The following MUTYH variants were observed in gnomAD, a reference collection of about 807,000 sequenced individuals.
MUTYH encodes mutY DNA glycosylase.
In MUTYH, 64 loss-of-function variants were observed where a neutral mutation model predicts 72.9. The observed-to-expected ratio is 0.88, with a 90% CI of 0.72 to 1.08. The LOEUF (loss-of-function observed/expected upper bound fraction) is 1.08, where lower values mean the gene tolerates loss of function less well. Ranked by LOEUF, MUTYH falls within the 50% of genes least tolerant of loss-of-function variation. The pLI, the probability that MUTYH is intolerant of heterozygous loss-of-function variation, is 0.00. For missense variants in MUTYH, 633 were observed against 671.0 expected (o/e 0.94, Z 0.63); for synonymous variants, 234 against 263.1 (o/e 0.89, Z 1.07).
chr1:45,332,774 C>T lies in MUTYH; in HGVS notation c.481G>A (p.Gly161Arg). 2 of 1,614,182 alleles carry T rather than the reference C, an allele frequency of 1.2e-6. No individual in the cohort carries two copies. The highest frequency in any genetic ancestry group is 1.1e-5 in the South Asian group (1 of 91,086). The change falls in exon 7 of 16, where the codon GGA becomes AGA. Residue 161 changes from glycine (G) to arginine (R), a missense_variant. Gly to Arg is a moderately radical substitution (Grantham distance 125). Coordinates refer to ENST00000456914, the MANE Select transcript of MUTYH (RefSeq NM_001048174.2). ...TGCCATCCCCTTACCTTCCGAGCTC[C>T]CTCCTGCAGCCGCCGGCCACGAGAA... Reference protein sequence around the residue: ...YYSRGRRLQEGARKVVEELGG... With the variant: ...YYSRGRRLQERARKVVEELGG...
chr1:45,333,368 G>A lies in MUTYH; in HGVS notation c.265-44C>T, dbSNP rs766066535. On this transcript the variant is annotated intron_variant, in intron 3 of 15. Transcript: ENST00000456914. The stretch of plus-strand genomic sequence containing the variant: ...ATGAGGAGTTAGGGTGGAGGGGGCT[G>A]GGTGCCTGCCTCCCACCCACTGTCC... The A allele has an allele frequency of 2.8e-5, 45 of 1,613,772 alleles. 1 individual carries two copies. In the Middle Eastern group the frequency reaches 5.8e-3, roughly 206 times the overall value.
At chr1:45,336,193 A>C (rs1252827101) in intron 1 of MUTYH, among the ~76,000 whole-genome samples, 1 of 152,182 alleles carries the variant, frequency 6.6e-6, no homozygotes, top group Non-Finnish European at 1.5e-5. Context: ...TTTATTTAAA[A>C]ACAAATAGAG....
rs587782066 is a variant in MUTYH, at chr1:45,333,605, T to C, written c.116-44A>G. 1 of 1,604,592 alleles carries C rather than the reference T, an allele frequency of 6.2e-7. No individual in the cohort carries two copies. On this transcript the variant is annotated intron_variant, in intron 2 of 15. Coordinates refer to ENST00000456914, the MANE Select transcript of MUTYH (RefSeq NM_001048174.2). ...ACTCAGCAATCATCCCTGCACAGGC[T>C]GTGCATCAGGGTCTTGGGACACAGC...
rs1645307962 is a variant in MUTYH at position 45,333,277 on chromosome 1, G to A, written c.304+8C>T. On this transcript the variant is annotated splice_region_variant and intron_variant, in intron 4 of 15. Transcript: ENST00000456914. ...CAAAGTGGCCCTGCTCTCAGGAGAT[G>A]TACTGACCAGCATATGCCCGCCTGT... 6.2e-7 allele frequency: 1 copy of A among 1,614,222 alleles called. No homozygotes were observed. Among genetic ancestry groups the A allele is most frequent in the Non-Finnish European group, 8.5e-7 (1 of 1,180,028 alleles).
At chr1:45,333,970 A>G (rs1423910297) in intron 2 of MUTYH, 1 of 374,546 alleles carries the variant, frequency 2.7e-6, no homozygotes, top group Admixed American at 4.3e-5. Context: ...AATTGTCCCA[A>G]TGTCACACAG....
chr1:45,334,927 C>A (rs912914041), intron 1 of MUTYH, among the ~76,000 whole-genome samples: 1 of 152,154 alleles, frequency 6.6e-6, no homozygotes, highest in African/African-American at 2.4e-5. Context: ...TACACTGAAA[C>A]AGCCTGTAGT....
chr1:45,337,739 GAAAA>G (rs1480977644), intron 1 of MUTYH, among the ~76,000 whole-genome samples: 3 of 150,518 alleles, frequency 2.0e-5, no homozygotes, highest in African/African-American at 7.3e-5. Context: ...GTCTCTTAAA[GAAAA>G]AAAAAGATTG....
chr1:45,332,934 G>T lies in MUTYH; in HGVS notation c.404C>A (p.Ala135Asp), dbSNP rs1570427705. ...MQKWPTLQDLASASLEEVNQL... is the reference protein window; with the variant it reads ...MQKWPTLQDLDSASLEEVNQL... ...GGCTCTCACCTCCAGGGAAGCACTG[G>T]CCAGGTCCTGCAGTGTAGGCCACTT... The change falls in exon 6 of 16, where the codon GCC becomes GAC. Residue 135 changes from alanine (A) to aspartate (D), a missense_variant. By Grantham distance (126) the Ala-to-Asp change is moderately radical. Transcript: ENST00000456914. The T allele has an allele frequency of 6.2e-7, 1 of 1,614,114 alleles. No homozygotes were observed. Among genetic ancestry groups the T allele is most frequent in the Non-Finnish European group, 8.5e-7 (1 of 1,180,016 alleles).
upstream of MUTYH, chr1:45,340,208 G>A (rs2275602): frequency 2.1e-3 from 3,348 of 1,613,756 alleles, 62 homozygotes; most frequent in East Asian, 0.039. Context: ...CGGACCGCAA[G>A]TCCAGCGTAC....
chr1:45,336,471 C>G (rs3219479), intron 1 of MUTYH, among the ~76,000 whole-genome samples: 141,652 of 152,296 alleles, frequency 0.93, 65,980 homozygotes, highest in African/African-American at 0.96. Flanking sequence ...CTTAACTGAT[C>G]ACATTCCACC....
chr1:45,332,949 G>A lies in MUTYH; in HGVS notation c.389C>T (p.Thr130Ile), dbSNP rs771549068. ...GGAAGCACTGGCCAGGTCCTGCAGT[G>A]TAGGCCACTTCTATAGCCACAGGCA... ...YYTGWMQKWP[T>I]LQDLASASLE... is the part of the protein sequence containing the mutation. Residue 130 changes from threonine (T) to isoleucine (I), a missense_variant, in exon 6 of 16, where the codon ACA (threonine) becomes ATA (isoleucine). Coordinates refer to ENST00000456914, the MANE Select transcript of MUTYH (RefSeq NM_001048174.2). 4.3e-6 allele frequency: 7 copies of A among 1,614,152 alleles called. No individual in the cohort carries two copies. Among genetic ancestry groups the A allele is most frequent in the Non-Finnish European group, 5.1e-6 (6 of 1,180,022 alleles).
chr1:45,333,545 C>T lies in MUTYH; in HGVS notation c.132G>A (p.Pro44=), dbSNP rs144551668. ...PSACDGLARQ[P]EEVVLQASVS... ...CAGAGGCCTGCAATACCACCTCTTC[C>T]GGCTGCCTGGCCAGGCCTGCTGGGG... is the stretch of plus-strand genomic sequence containing the variant. The change falls in exon 3 of 16, where the codon CCG becomes CCA. Residue 44 remains proline, a synonymous_variant. Transcript: ENST00000456914. The T allele has an allele frequency of 7.2e-5, 117 of 1,613,946 alleles. 1 individual carries two copies. The Admixed American group carries it at 1.3e-3, about 18-fold the overall frequency.
At position 45,331,563 on chromosome 1, in the gene MUTYH, G is replaced by A. The variant is rs375257767; in HGVS notation, c.1103-7C>T. The stretch of plus-strand genomic sequence containing the variant: ...CACAGTCCTGCCAGCAGACCTGAGA[G>A]GGAGGGCAGCCAGGCAGGGGTCAGG... On this transcript the variant is annotated splice_region_variant and splice_polypyrimidine_tract_variant and intron_variant, in intron 12 of 15. Transcript: ENST00000456914. 4 of 1,613,718 alleles carry A rather than the reference G, an allele frequency of 2.5e-6. 1 individual carries two copies. In the African/African-American group the frequency reaches 4.0e-5, roughly 16 times the overall value.
At chr1:45,333,643 T>C (rs774122366) in intron 2 of MUTYH, 82 bp from the exon 3 acceptor site, 1 of 1,571,618 alleles carries the variant, frequency 6.4e-7, no homozygotes, top group Non-Finnish European at 8.6e-7. Context: ...CCTGTGGCAG[T>C]ATGCTCCCAC....
chr1:45,333,206 C>T (rs1645292453), intron 4 of MUTYH, 36 bp from the exon 5 acceptor site: 2 of 1,614,044 alleles, frequency 1.2e-6, no homozygotes, highest in Non-Finnish European at 1.7e-6. Context: ...ACACTGCTGA[C>T]CTGCCCCTAC....
intron 15 of MUTYH, 40 bp downstream of exon 15, chr1:45,330,474 AGG>A: frequency 6.3e-7 from 1 of 1,589,972 alleles, no homozygotes; most frequent in Non-Finnish European, 8.6e-7. Flanking sequence ...CTATGGACTC[AGG>A]CCTGGGGAGA....
chr1:45,337,590 C>T (rs532903728), intron 1 of MUTYH, among the ~76,000 whole-genome samples: 139 of 151,538 alleles, frequency 9.2e-4, no homozygotes, highest in African/African-American at 2.9e-3. Context: ...AATTCTTGAG[C>T]AAGCTGGTTG....
rs1570346782 is a variant in MUTYH, at chr1:45,330,557, CCT to C, written c.1393-2_1393-1del. ...TGTTGGCCCTGATACACACGGAAAACCTAGACAAGAAGACAGGGAGGTGAGGG... is the reference window on the plus strand; with the variant it reads ...TGTTGGCCCTGATACACACGGAAAACAGACAAGAAGACAGGGAGGTGAGGG... On this transcript the variant is annotated splice_acceptor_variant, in intron 14 of 15. Transcript: ENST00000456914. LOFTEE classifies it high-confidence loss of function. The C allele has an allele frequency of 6.2e-7, 1 of 1,608,276 alleles. No homozygotes were observed. Among genetic ancestry groups the C allele is most frequent in the Non-Finnish European group, 8.5e-7 (1 of 1,177,106 alleles).
chr1:45,335,726 G>A (rs143886489), intron 1 of MUTYH, among the ~76,000 whole-genome samples: 9 of 152,082 alleles, frequency 5.9e-5, no homozygotes, highest in African/African-American at 1.7e-4. Context: ...AGACGTGCTC[G>A]CTTGAACCCA....
Sources: gnomAD v4.1 joint callset for allele counts (sites outside exome capture counted in the v4.1 genomes callset) on GRCh38, gnomAD v4.1.1 for gene constraint, MANE v1.5 for transcripts, NCBI Gene and HGNC (gene_info 2026-07-23, HGNC 2026-07-21) for gene names.